TGFBR1: variants seen among roughly 807,000 people sequenced by gnomAD.
The protein encoded by TGFBR1 is transforming growth factor beta receptor 1.
TGFBR1 carries 20 observed loss-of-function variants against 55.1 expected under a neutral mutation model. The observed-to-expected ratio is 0.36, with a 90% confidence interval of 0.26 to 0.53. TGFBR1 has a LOEUF of 0.53. TGFBR1 is among the 20% of genes least tolerant of loss of function. The pLI, the probability that TGFBR1 is intolerant of heterozygous loss-of-function variation, is 0.91. For missense variants in TGFBR1, 385 were observed against 617.6 expected (o/e 0.62, Z 3.99); for synonymous variants, 220 against 214.8 (o/e 1.02, Z -0.21).
intron 3 of TGFBR1, among the ~76,000 whole-genome samples, chr9:99,133,167 G>C (rs1827300541): frequency 6.6e-6 from 1 of 152,194 alleles, no homozygotes; most frequent in South Asian, 2.1e-4. Context: ...AGGCATGACA[G>C]AAATGTATTC....
upstream of TGFBR1, chr9:99,104,040 G>A (rs1385361441): frequency 6.6e-6 from 1 of 152,224 alleles, no homozygotes. Flanking sequence ...GTTTGTGTCT[G>A]AAGAAAGGAC....
intron 3 of TGFBR1, among the ~76,000 whole-genome samples, chr9:99,135,099 G>C (rs1827391774): frequency 6.6e-6 from 1 of 152,160 alleles, no homozygotes; most frequent in South Asian, 2.1e-4. Context: ...GTAAATTGTA[G>C]AGTTATGTCC....
intron 1 of TGFBR1, among the ~76,000 whole-genome samples, chr9:99,113,648 A>C (rs2118324033): frequency 6.6e-6 from 1 of 152,340 alleles, no homozygotes; most frequent in South Asian, 2.1e-4. Context: ...AGTAGTATTT[A>C]CACTTAGTAC....
intron 1 of TGFBR1, among the ~76,000 whole-genome samples, chr9:99,127,262 C>T (rs903105212): frequency 6.6e-5 from 10 of 152,142 alleles, no homozygotes; most frequent in Admixed American, 2.6e-4. Context: ...ACAGCATGCA[C>T]GAAGTTGTCA....
intron 3 of TGFBR1, 140 bp downstream of exon 3, chr9:99,132,879 CT>C: frequency 8.2e-7 from 1 of 1,219,156 alleles, no homozygotes; most frequent in Admixed American, 2.5e-5. Context: ...TAATAAAAAT[CT>C]TTAAGCTTGA....
chr9:99,125,633 T>C (rs185769847), intron 1 of TGFBR1, among the ~76,000 whole-genome samples: 59 of 152,328 alleles, frequency 3.9e-4, no homozygotes, highest in African/African-American at 1.2e-3. Flanking sequence ...ATGAAACTTA[T>C]GCTGTGTGTA....
chr9:99,113,664 C>T (rs1213993022), intron 1 of TGFBR1, among the ~76,000 whole-genome samples: 1 of 152,144 alleles, frequency 6.6e-6, no homozygotes, highest in Non-Finnish European at 1.5e-5. Context: ...AGTACATAGC[C>T]TGACACCAGT....
Position 99,112,214 on chromosome 9 carries a change from G to A in TGFBR1, c.97+6912G>A, listed in dbSNP as rs76094400. 8.6e-3 allele frequency among the ~76,000 whole-genome samples: 1,312 copies of A among 152,296 alleles called. 6 individuals carry two copies. Among genetic ancestry groups the A allele is most frequent in the East Asian group, 0.032 (168 of 5,186 alleles). ...CAGTTGGTTTGATGGCATTGAGAACGGGGTGAAATGGTGACTGTATGACAT... is the reference window on the plus strand; with the variant it reads ...CAGTTGGTTTGATGGCATTGAGAACAGGGTGAAATGGTGACTGTATGACAT... On this transcript the variant is annotated intron_variant, in intron 1 of 8. Coordinates refer to ENST00000374994, the MANE Select transcript of TGFBR1 (RefSeq NM_004612.4).
Position 99,154,094 on chromosome 9 carries a change from A to G in TGFBR1, c.*4789A>G, listed in dbSNP as rs201292552. 1 of 227,154 alleles carries G rather than the reference A, an allele frequency of 4.4e-6. No individual in the cohort carries two copies. Among genetic ancestry groups the G allele is most frequent in the South Asian group, 1.8e-4 (1 of 5,482 alleles). The allele number at this position is 227,154 out of a possible 1,614,324, so 14.1% of individuals were successfully genotyped here. A position where few individuals can be genotyped will look rare whatever the true frequency, so the allele number is the denominator to read the frequency against. ...TTACTTCAATTTGAAGGCTGGATTT[A>G]GGGATTTTTTTTTTTCCTTATAACA... On this transcript the variant is annotated 3_prime_UTR_variant, in exon 9 of 9. Coordinates refer to ENST00000374994, the MANE Select transcript of TGFBR1 (RefSeq NM_004612.4).
At chr9:99,145,975 A>G (rs558211848) in intron 6 of TGFBR1, 10 of 192,574 alleles carry the variant, frequency 5.2e-5, no homozygotes, top group East Asian at 1.4e-4. Flanking sequence ...ATGACTCTCA[A>G]TTCTCAACCA....
At position 99,144,710 on chromosome 9, in the gene TGFBR1, T is replaced by A. The variant is rs11568794; in HGVS notation, c.974-22T>A. On this transcript the variant is annotated intron_variant, in intron 5 of 8. Coordinates refer to ENST00000374994, the MANE Select transcript of TGFBR1 (RefSeq NM_004612.4). ...ATTGGTATTACCTTTTAAGCAGTCATGTTTAATTTTTGATTCTTTAGGAAA... is the reference window on the plus strand; with the variant it reads ...ATTGGTATTACCTTTTAAGCAGTCAAGTTTAATTTTTGATTCTTTAGGAAA... 807 of 1,613,258 alleles carry A rather than the reference T, an allele frequency of 5.0e-4. 3 individuals carry two copies. The African/African-American group carries it at 9.7e-3, about 19-fold the overall frequency.
chr9:99,143,108 TA>T (rs1489627581), intron 5 of TGFBR1, among the ~76,000 whole-genome samples: 4 of 152,198 alleles, frequency 2.6e-5, no homozygotes, highest in African/African-American at 9.6e-5. Context: ...TGGAGATATT[TA>T]AAACAAATTT....
chr9:99,132,512 A>G lies in TGFBR1; in HGVS notation c.347A>G (p.Lys116Arg), dbSNP rs1202901102. Reference protein sequence around the residue: ...CNKIELPTTVKSSPGLGPVEL... With the variant: ...CNKIELPTTVRSSPGLGPVEL... ...TTCACTCGAGGCCCTTTTTCAGTAA[A>G]GTCATCACCTGGCCTTGGTCCTGTG... The change falls in exon 3 of 9, where the codon AAG becomes AGG. Residue 116 changes from lysine (K) to arginine (R), a missense_variant. Coordinates refer to ENST00000374994, the MANE Select transcript of TGFBR1 (RefSeq NM_004612.4). 6.2e-7 allele frequency: 1 copy of G among 1,614,056 alleles called. No individual in the cohort carries two copies. Among genetic ancestry groups the G allele is most frequent in the Non-Finnish European group, 8.5e-7 (1 of 1,180,024 alleles).
At chr9:99,109,984 T>C (rs1826517547) in intron 1 of TGFBR1, among the ~76,000 whole-genome samples, 1 of 152,232 alleles carries the variant, frequency 6.6e-6, no homozygotes, top group Non-Finnish European at 1.5e-5. Flanking sequence ...GCAGTCTCCA[T>C]AAACATTAAA....
Position 99,153,931 on chromosome 9 carries a change from C to A in TGFBR1, c.*4626C>A. On this transcript the variant is annotated 3_prime_UTR_variant, in exon 9 of 9. Coordinates refer to ENST00000374994, the MANE Select transcript of TGFBR1 (RefSeq NM_004612.4). ...CAGGTGATCTCTGTTGCCTTTGGGT[C>A]AGCACATTTGTTAGTCTCCTGGGGG... is the stretch of plus-strand genomic sequence containing the variant. 1 of 215,250 alleles carries A rather than the reference C, an allele frequency of 4.6e-6. No homozygotes were observed. The highest frequency in any genetic ancestry group is 9.4e-6 in the Non-Finnish European group (1 of 106,550). 13.3% of individuals were successfully genotyped at this position (215,250 alleles called of 1,614,324 possible).
chr9:99,108,312 T>G (rs1826472546), intron 1 of TGFBR1, among the ~76,000 whole-genome samples: 1 of 152,236 alleles, frequency 6.6e-6, no homozygotes, highest in African/African-American at 2.4e-5. Context: ...TTCATGAGAT[T>G]GTGAAGATCA....
At chr9:99,149,056 A>G in intron 8 of TGFBR1, 124 bp from the exon 9 acceptor site, 1 of 1,042,468 alleles carries the variant, frequency 9.6e-7, no homozygotes, top group Non-Finnish European at 1.4e-6. Context: ...TGCTATTACA[A>G]ATAATGCTTA....
intron 1 of TGFBR1, among the ~76,000 whole-genome samples, chr9:99,107,112 A>G (rs951828753): frequency 5.9e-5 from 9 of 152,206 alleles, no homozygotes; most frequent in African/African-American, 1.9e-4. Context: ...TGCTCAGTCC[A>G]TGTCCTGGAG....
chr9:99,144,950 A>T (rs1302352635), intron 6 of TGFBR1, 62 bp downstream of exon 6: 2 of 1,558,478 alleles, frequency 1.3e-6, no homozygotes, highest in South Asian at 1.1e-5. Flanking sequence ...CTTCTCTTTC[A>T]TATATACATA....
Sources: gnomAD v4.1 joint callset for allele counts (sites outside exome capture counted in the v4.1 genomes callset) on GRCh38, gnomAD v4.1.1 for gene constraint, MANE v1.5 for transcripts, NCBI Gene and HGNC (gene_info 2026-07-23, HGNC 2026-07-21) for gene names.